Variants in ABLIM3 observed in about 807,000 individuals in gnomAD.
The protein encoded by ABLIM3 is actin-binding LIM protein 3.
In ABLIM3, 61 loss-of-function variants were observed where a neutral mutation model predicts 109.5. That is an observed-to-expected ratio of 0.56 (90% CI 0.45 to 0.69). The LOEUF is 0.69. ABLIM3 is among the 30% of genes least tolerant of loss of function. The pLI is 0.00. For missense variants in ABLIM3, 796 were observed against 889.5 expected, an observed-to-expected ratio of 0.89 and a Z score of 1.34; for synonymous variants, 300 against 324.8, an observed-to-expected ratio of 0.92 and a Z score of 0.82.
Position 149,251,428 on chromosome 5 carries a change from A to C in ABLIM3, c.1849+9A>C. 1 of 1,613,844 alleles carries C rather than the reference A, an allele frequency of 6.2e-7. No individual in the cohort carries two copies. The highest frequency in any genetic ancestry group is 8.5e-7 in the Non-Finnish European group (1 of 1,179,920). On this transcript the variant is annotated intron_variant, in intron 21 of 23. Coordinates refer to ENST00000309868, the MANE Select transcript of ABLIM3 (RefSeq NM_014945.5). ...CAACTGGGGCATGCGAGGTGAGTGCAGGCCTGCAGGGGGTCTGCAGGGAGA... is the reference window on the plus strand; with the variant it reads ...CAACTGGGGCATGCGAGGTGAGTGCCGGCCTGCAGGGGGTCTGCAGGGAGA...
intron 18 of ABLIM3, 123 bp downstream of exon 18, chr5:149,248,052 T>G: frequency 8.0e-7 from 1 of 1,254,308 alleles, no homozygotes; most frequent in Non-Finnish European, 1.1e-6. Context: ...CTCTCTCTTC[T>G]TCCTCACAGC....
chr5:149,243,592 C>T (rs1753065123), intron 15 of ABLIM3: 1 of 152,398 alleles, frequency 6.6e-6, no homozygotes, highest in Non-Finnish European at 1.5e-5. Context: ...TACAGACATC[C>T]TTGGTTCCAG....
intron 10 of ABLIM3, among the ~76,000 whole-genome samples, chr5:149,234,483 C>T (rs891179466): frequency 6.6e-6 from 1 of 152,248 alleles, no homozygotes; most frequent in Non-Finnish European, 1.5e-5. Flanking sequence ...TTCAAATCCA[C>T]ATCCAGTCTC....
intron 5 of ABLIM3, among the ~76,000 whole-genome samples, chr5:149,203,451 C>A (rs146359456): frequency 3.0e-4 from 46 of 152,242 alleles, no homozygotes; most frequent in African/African-American, 9.9e-4. Context: ...CCATCACCTT[C>A]TCCACCATCG....
rs147873151 is a variant in ABLIM3 at position 149,209,238 on chromosome 5, C to G, written c.576-1488C>G. On this transcript the variant is annotated intron_variant, in intron 6 of 23. Transcript: ENST00000309868. The stretch of plus-strand genomic sequence containing the variant: ...ACTTAAGGGATTGTTCAGAGCTCCT[C>G]TCAAGGAGGCCCAGCCCAGATTGCC... Among the ~76,000 whole-genome samples the G allele has an allele frequency of 2.1e-3, 313 of 152,318 alleles. 1 individual carries two copies. Among genetic ancestry groups the G allele is most frequent in the Middle Eastern group, 6.8e-3 (2 of 294 alleles).
intron 3 of ABLIM3, among the ~76,000 whole-genome samples, chr5:149,194,279 T>A (rs1327959089): frequency 2.0e-5 from 3 of 152,136 alleles, no homozygotes; most frequent in Non-Finnish European, 4.4e-5. Context: ...TTGAAAAAAA[T>A]TCTCAATTTG....
chr5:149,184,862 A>G (rs1204242170), intron 3 of ABLIM3, among the ~76,000 whole-genome samples: 2 of 151,966 alleles, frequency 1.3e-5, no homozygotes, highest in Non-Finnish European at 2.9e-5. Flanking sequence ...GCACTGAGCA[A>G]ACAAATTACA....
intron 5 of ABLIM3, 132 bp from the exon 6 acceptor site, chr5:149,206,876 G>A: frequency 1.8e-6 from 2 of 1,117,710 alleles, no homozygotes; most frequent in Non-Finnish European, 2.3e-6. Flanking sequence ...CCTCTGGGAA[G>A]CTTCCAGTGT....
At position 149,258,521 on chromosome 5, in the gene ABLIM3, C is replaced by T; in HGVS notation, c.*117C>T. The T allele has an allele frequency of 7.1e-7, 1 of 1,408,378 alleles. No homozygotes were observed. Among genetic ancestry groups the T allele is most frequent in the East Asian group, 2.7e-5 (1 of 37,264 alleles). The allele number at this position is 1,408,378 out of a possible 1,614,324, so 87.2% of individuals were successfully genotyped here. The stretch of plus-strand genomic sequence containing the variant: ...GACACACTGCCTGCCATGAGACTTG[C>T]TTTTCTGTACTGTCAGGCAAGCCCA... On this transcript the variant is annotated 3_prime_UTR_variant, in exon 24 of 24. Transcript: ENST00000309868.
At chr5:149,181,559 A>C (rs1756457704) in intron 2 of ABLIM3, among the ~76,000 whole-genome samples, 1 of 152,220 alleles carries the variant, frequency 6.6e-6, no homozygotes. Flanking sequence ...CCCAGTTAGC[A>C]AAGTTGTCAG....
At chr5:149,182,989 G>A (rs1308956246) in intron 2 of ABLIM3, among the ~76,000 whole-genome samples, 1 of 152,158 alleles carries the variant, frequency 6.6e-6, no homozygotes, top group Non-Finnish European at 1.5e-5. Context: ...GAGGCCCAGA[G>A]AGGGGCTGTA....
intron 12 of ABLIM3, among the ~76,000 whole-genome samples, chr5:149,239,531 C>T (rs939347080): frequency 2.0e-5 from 3 of 152,148 alleles, no homozygotes; most frequent in African/African-American, 7.2e-5. Flanking sequence ...CAGGGATTGA[C>T]CCCATAGATT....
intron 3 of ABLIM3, 55 bp downstream of exon 3, chr5:149,183,644 A>C: frequency 2.1e-6 from 3 of 1,461,186 alleles, no homozygotes; most frequent in Non-Finnish European, 1.8e-6. Flanking sequence ...TTCTTGCACC[A>C]TCAGGTCATG....
Position 149,207,240 on chromosome 5 carries a change from G to A in ABLIM3, c.575+106G>A, listed in dbSNP as rs115483170. ...TCCAGCATCATCTCCCTTCCTTTCC[G>A]TCTGCTGCTGCATTCTGGCCAAACA... On this transcript the variant is annotated intron_variant, in intron 6 of 23. Transcript: ENST00000309868. 872 of 1,461,070 alleles carry A rather than the reference G, an allele frequency of 6.0e-4. 5 individuals are homozygous for A. The African/African-American group carries it at 9.1e-3, about 15-fold the overall frequency. The allele number at this position is 1,461,070 out of a possible 1,614,324, so 90.5% of individuals were successfully genotyped here.
At chr5:149,248,033 C>T in intron 18 of ABLIM3, 104 bp downstream of exon 18, 1 of 1,401,308 alleles carries the variant, frequency 7.1e-7, no homozygotes, top group Non-Finnish European at 9.6e-7. Flanking sequence ...GAGGCACAGC[C>T]CATGCATCCT....
intron 2 of ABLIM3, among the ~76,000 whole-genome samples, chr5:149,144,003 A>G (rs1235344560): frequency 6.6e-6 from 1 of 152,260 alleles, no homozygotes; most frequent in Non-Finnish European, 1.5e-5. Context: ...TGGAATGCTA[A>G]GGAACTCTTG....
chr5:149,208,350 GTCTCTCTC>G lies in ABLIM3; in HGVS notation c.575+1245_575+1252del, dbSNP rs10564662. On this transcript the variant is annotated intron_variant, in intron 6 of 23. Transcript: ENST00000309868. ...TCTGTCTTTCTCTATCTATCTTTTT[GTCTCTCTC>G]TCTCTCTCTCTCTCTCTCTCTCTCT... Among the ~76,000 whole-genome samples, 956 of 132,300 alleles carry G rather than the reference GTCTCTCTC, an allele frequency of 7.2e-3. 10 individuals are homozygous for G. Among genetic ancestry groups the G allele is most frequent in the African/African-American group, 0.024 (842 of 34,466 alleles). 86.8% of individuals were successfully genotyped at this position (132,300 alleles called of 152,430 possible).
intron 3 of ABLIM3, among the ~76,000 whole-genome samples, chr5:149,188,731 C>T (rs748338826): frequency 1.3e-5 from 2 of 152,186 alleles, no homozygotes; most frequent in Admixed American, 6.5e-5. Flanking sequence ...CACAAAGGCC[C>T]ATCTCTAAAC....
In ABLIM3 at chr5:149,198,486, G is replaced by T; in HGVS notation, c.335+84G>T. ...GACCTGGCTTTTTCCAGGAAGTTCT[G>T]GGGTTTACAAGGTTTGTGCTGCACA... On this transcript the variant is annotated intron_variant, in intron 4 of 23. Transcript: ENST00000309868. This position sits in a 1 kb window ranked among gnomAD's most constrained non-coding sequence, Gnocchi z 4.2. 1 of 1,459,054 alleles carries T rather than the reference G, an allele frequency of 6.9e-7. No homozygotes were observed. Among genetic ancestry groups the T allele is most frequent in the East Asian group, 2.4e-5 (1 of 41,178 alleles). 90.4% of individuals were successfully genotyped at this position (1,459,054 alleles called of 1,614,324 possible).
Sources: gnomAD v4.1 joint callset for allele counts (sites outside exome capture counted in the v4.1 genomes callset) on GRCh38, gnomAD v4.1.1 for gene constraint, Gnocchi (gnomAD v3.1) non-coding constraint, MANE v1.5 for transcripts, NCBI Gene and HGNC (gene_info 2026-07-23, HGNC 2026-07-21) for gene names.